The following AP2A2 variants were observed in gnomAD, a reference collection of about 807,000 sequenced individuals.
AP2A2 encodes AP-2 complex subunit alpha-2.
A neutral mutation model predicts 104.2 loss-of-function variants in AP2A2; 32 were observed. That is an observed-to-expected ratio of 0.31 (90% CI 0.23 to 0.41). The LOEUF (loss-of-function observed/expected upper bound fraction) is 0.41. Ranked by LOEUF, AP2A2 falls within the 10% of genes least tolerant of loss-of-function variation. The probability of loss-of-function intolerance (pLI) is 1.00; values close to 1 mark genes in which losing one functional copy is unlikely to be tolerated. For missense variants in AP2A2, 912 were observed against 1,261.0 expected, an observed-to-expected ratio of 0.72 and a Z score of 4.19; for synonymous variants, 539 against 533.3, an observed-to-expected ratio of 1.01 and a Z score of -0.15.
rs541292778 is a variant in AP2A2, at chr11:944,493, G to A, written c.68-14944G>A. 7.2e-5 allele frequency among the ~76,000 whole-genome samples: 11 copies of A among 152,188 alleles called. No homozygotes were observed. In the South Asian group the frequency reaches 2.3e-3, roughly 31 times the overall value. ...AAAGAAAAACATAGTTTAGTGGGAT[G>A]TTAGAAGATGATAAACACAACAGAG... On this transcript the variant is annotated intron_variant, in intron 1 of 21. Transcript: ENST00000448903.
Position 1,011,811 on chromosome 11 carries a change from G to A in AP2A2, c.*1186G>A, listed in dbSNP as rs968027372. ...AGTTGCCTGCTGTGCGGGTCCCTGG[G>A]GCAGCTGCAGGGGCTCATGGACCCA... On this transcript the variant is annotated 3_prime_UTR_variant, in exon 22 of 22. Transcript: ENST00000448903. 4 of 297,886 alleles carry A rather than the reference G, an allele frequency of 1.3e-5. No homozygotes were observed. The highest frequency in any genetic ancestry group is 1.3e-5 in the Non-Finnish European group (2 of 151,010). The allele number at this position is 297,886 out of a possible 1,614,324, so 18.5% of individuals were successfully genotyped here.
intron 1 of AP2A2, among the ~76,000 whole-genome samples, chr11:929,035 A>G (rs1026936436): frequency 1.3e-5 from 2 of 152,222 alleles, no homozygotes; most frequent in Non-Finnish European, 2.9e-5. Flanking sequence ...AGACCTCACA[A>G]GGAAGGTGAT....
At chr11:980,365 TGCCCGGTGCCGTGTCCTGG>T (rs1313035490) in intron 5 of AP2A2, among the ~76,000 whole-genome samples, 237 of 20,406 alleles carry the variant, frequency 0.012, 53 homozygotes, top group African/African-American at 0.029. Context: ...GGTGACAGGC[TGCCCGGTGCCGTGTCCTGG>T]AGCGGTGACA....
At chr11:944,046 T>C (rs1429908139) in intron 1 of AP2A2, among the ~76,000 whole-genome samples, 2 of 138,124 alleles carry the variant, frequency 1.4e-5, no homozygotes, top group Non-Finnish European at 3.1e-5. Flanking sequence ...CAGGTGGCAG[T>C]GGAGATGGCG....
chr11:988,850 C>A, intron 10 of AP2A2, 161 bp downstream of exon 10: 1 of 1,009,184 alleles, frequency 9.9e-7, no homozygotes, highest in Non-Finnish European at 1.4e-6. Flanking sequence ...TCCACATTTT[C>A]AAGCTGGGTG....
At chr11:995,826 C>T (rs571133207) in intron 14 of AP2A2, among the ~76,000 whole-genome samples, 1 of 144,688 alleles carries the variant, frequency 6.9e-6, no homozygotes, top group East Asian at 2.1e-4. Context: ...TTGTGGCACG[C>T]TGCTGTGCCC....
intron 1 of AP2A2, among the ~76,000 whole-genome samples, chr11:934,109 TTC>T (rs1853376014): frequency 6.6e-6 from 1 of 151,982 alleles, no homozygotes; most frequent in East Asian, 1.9e-4. Context: ...GCTAGGTTCT[TTC>T]TGCCCCATGT....
At chr11:1,008,789 C>A in intron 18 of AP2A2, 1 of 425,290 alleles carries the variant, frequency 2.4e-6, no homozygotes, top group Non-Finnish European at 4.2e-6. Flanking sequence ...TGTGCAAATG[C>A]CTTTGCCTTT....
intron 1 of AP2A2, among the ~76,000 whole-genome samples, chr11:927,508 GT>G (rs373952551): frequency 7.4e-6 from 1 of 134,746 alleles, no homozygotes; most frequent in East Asian, 2.3e-4. Flanking sequence ...CCTGTACTCT[GT>G]TAAAAAAAAA....
chr11:1,006,639 C>T (rs1261004454), intron 17 of AP2A2, 22 bp downstream of exon 17: 6 of 1,580,462 alleles, frequency 3.8e-6, no homozygotes, highest in Non-Finnish European at 5.2e-6. Context: ...TTCATTGCCC[C>T]ATGCCCGCAG....
Position 1,000,550 on chromosome 11 carries a change from C to T in AP2A2, c.2075C>T (p.Ala692Val), listed in dbSNP as rs1855998483. ...CTCGTGGACGTGTTCTCAGACTCGG[C>T]CTCTGTGGTCGCGCCTCTCGCTCCT... is the stretch of plus-strand genomic sequence containing the variant. ...GLLVDVFSDS[A>V]SVVAPLAPGS... is the part of the protein sequence containing the mutation. Residue 692 changes from alanine (A) to valine (V), a missense_variant, in exon 15 of 22, where the codon GCC becomes GTC. By Grantham distance (64) the Ala-to-Val change is moderately conservative. Around this residue, in one of 7 missense-constraint regions of AP2A2, gnomAD observed 239 missense variants for 329.8 expected, o/e 0.72. Transcript: ENST00000448903. 1.3e-6 allele frequency: 2 copies of T among 1,550,020 alleles called. No homozygotes were observed. Among genetic ancestry groups the T allele is most frequent in the East Asian group, 2.4e-5 (1 of 41,938 alleles).
intron 17 of AP2A2, 76 bp from the exon 18 acceptor site, chr11:1,007,936 C>T (rs1172513654): frequency 9.0e-6 from 14 of 1,547,936 alleles, no homozygotes; most frequent in African/African-American, 1.4e-5. Flanking sequence ...TCCACGGGTC[C>T]TGCTGGGGCT....
At chr11:1,007,407 G>T (rs1027994304) in intron 17 of AP2A2, 1 of 156,080 alleles carries the variant, frequency 6.4e-6, no homozygotes, top group Non-Finnish European at 1.4e-5. Flanking sequence ...CCCTTCTTTA[G>T]GGGTCTCTCC....
At chr11:973,344 G>T (rs1854899286) in intron 4 of AP2A2, among the ~76,000 whole-genome samples, 1 of 152,164 alleles carries the variant, frequency 6.6e-6, no homozygotes, top group South Asian at 2.1e-4. Context: ...CCACAACAGA[G>T]AATGAGGCAG....
Position 993,162 on chromosome 11 carries a change from C to T in AP2A2, c.1453-122C>T. On this transcript the variant is annotated intron_variant, in intron 11 of 21. Transcript: ENST00000448903. This position sits in a 1 kb window ranked among gnomAD's most constrained non-coding sequence, Gnocchi z 8.2. ...AGGAAGGCAGGGATGGGCACTTGGACTGGGGTCTCCAGGAAGCTGAGGGGC... is the reference window on the plus strand; with the variant it reads ...AGGAAGGCAGGGATGGGCACTTGGATTGGGGTCTCCAGGAAGCTGAGGGGC... 1.4e-6 allele frequency: 1 copy of T among 710,492 alleles called. No homozygotes were observed. The highest frequency in any genetic ancestry group is 1.9e-5 in the South Asian group (1 of 51,468). The allele number at this position is 710,492 out of a possible 1,614,324, so 44.0% of individuals were successfully genotyped here. A position where few individuals can be genotyped will look rare whatever the true frequency, so the allele number is the denominator to read the frequency against.
Position 1,011,572 on chromosome 11 carries a change from T to C in AP2A2, c.*947T>C, listed in dbSNP as rs1856433753. The C allele has an allele frequency of 2.2e-6, 1 of 452,250 alleles. No homozygotes were observed. Among genetic ancestry groups the C allele is most frequent in the Non-Finnish European group, 4.4e-6 (1 of 225,226 alleles). 28.0% of individuals were successfully genotyped at this position (452,250 alleles called of 1,614,324 possible). On this transcript the variant is annotated 3_prime_UTR_variant, in exon 22 of 22. Transcript: ENST00000448903. ...CCTGCGGCTTGTGTCTCACCTGTCA[T>C]CTGGACTCAGCACCCAGGCTGCACG...
At chr11:972,905 C>T (rs1018418294) in intron 4 of AP2A2, among the ~76,000 whole-genome samples, 4 of 152,266 alleles carry the variant, frequency 2.6e-5, no homozygotes, top group Admixed American at 6.5e-5. Context: ...GCGGAGAAGC[C>T]GAGCACCGCG....
intron 14 of AP2A2, among the ~76,000 whole-genome samples, chr11:998,410 T>C (rs537112378): frequency 2.8e-4 from 43 of 151,132 alleles, no homozygotes; most frequent in Admixed American, 2.4e-3. Context: ...TATCTTTGAG[T>C]AAAATTCATA....
intron 14 of AP2A2, chr11:995,256 GT>G: frequency 4.4e-6 from 2 of 454,952 alleles, no homozygotes; most frequent in Middle Eastern, 3.3e-4. Flanking sequence ...TATGTAGTGA[GT>G]TGGGTTAGGT....
Sources: gnomAD v4.1 joint callset for allele counts (sites outside exome capture counted in the v4.1 genomes callset) on GRCh38, gnomAD v4.1.1 for gene constraint, gnomAD v4.1.1 regional missense constraint, Gnocchi (gnomAD v3.1) non-coding constraint, MANE v1.5 for transcripts, NCBI Gene and HGNC (gene_info 2026-07-23, HGNC 2026-07-21) for gene names.